GALNT17: variants seen among roughly 807,000 people sequenced by gnomAD.
GALNT17 encodes the protein polypeptide N-acetylgalactosaminyltransferase 17.
GALNT17 carries 29 observed loss-of-function variants against 63.7 expected under a neutral mutation model. The observed-to-expected ratio is 0.46, with a 90% CI of 0.34 to 0.62. GALNT17 has a LOEUF of 0.62. Ranked by LOEUF, GALNT17 falls within the 20% of genes least tolerant of loss-of-function variation. The pLI, the probability that GALNT17 is intolerant of heterozygous loss-of-function variation, is 0.01. For missense variants in GALNT17, 603 were observed against 799.6 expected, an observed-to-expected ratio of 0.75 and a Z score of 2.97; for synonymous variants, 305 against 318.3, an observed-to-expected ratio of 0.96 and a Z score of 0.45.
At chr7:71,423,348 T>G (rs2116461336) in intron 5 of GALNT17, among the ~76,000 whole-genome samples, 1 of 152,276 alleles carries the variant, frequency 6.6e-6, no homozygotes, top group African/African-American at 2.4e-5. Flanking sequence ...GGTACCTTAT[T>G]TGGGGAAAAG....
At chr7:71,419,739 AAGGGCATCCCC>A (rs1483566889) in intron 4 of GALNT17, among the ~76,000 whole-genome samples, 1 of 152,168 alleles carries the variant, frequency 6.6e-6, no homozygotes, top group Non-Finnish European at 1.5e-5. Flanking sequence ...GCCAGTAGCA[AAGGGCATCCCC>A]AGGGGAGAAT....
chr7:71,512,936 A>G (rs1482726480), intron 5 of GALNT17, among the ~76,000 whole-genome samples: 2 of 152,222 alleles, frequency 1.3e-5, no homozygotes, highest in Non-Finnish European at 2.9e-5. Context: ...TTTTTTGAGC[A>G]CTGAAATTTC....
intron 1 of GALNT17, chr7:71,300,871 C>G (rs911583724): frequency 3.9e-5 from 6 of 153,864 alleles, no homozygotes; most frequent in African/African-American, 1.4e-4. Flanking sequence ...GGGGAAATGT[C>G]AGCTATTCTG....
At chr7:71,515,432 AC>A (rs1788429466) in intron 5 of GALNT17, among the ~76,000 whole-genome samples, 1 of 152,126 alleles carries the variant, frequency 6.6e-6, no homozygotes, top group African/African-American at 2.4e-5. Flanking sequence ...AAGCTACATC[AC>A]CTAAGTTTCT....
intron 2 of GALNT17, among the ~76,000 whole-genome samples, chr7:71,371,571 A>G (rs1466340822): frequency 6.6e-6 from 1 of 152,006 alleles, no homozygotes; most frequent in Non-Finnish European, 1.5e-5. Context: ...ACTTTTTTGC[A>G]ATTTGCCGTT....
intron 1 of GALNT17, among the ~76,000 whole-genome samples, chr7:71,198,802 C>T (rs114888783): frequency 2.0e-5 from 3 of 152,314 alleles, no homozygotes; most frequent in East Asian, 1.9e-4. Context: ...TTTTGCTCCT[C>T]TCTCTCCCCA....
At chr7:71,333,360 T>C (rs1159219866) in intron 1 of GALNT17, among the ~76,000 whole-genome samples, 2 of 152,186 alleles carry the variant, frequency 1.3e-5, no homozygotes, top group African/African-American at 2.4e-5. Context: ...CAATATTCCA[T>C]TGGTCTGGAG....
chr7:71,376,269 T>C (rs1792722056), intron 2 of GALNT17, among the ~76,000 whole-genome samples: 1 of 151,904 alleles, frequency 6.6e-6, no homozygotes, highest in South Asian at 2.1e-4. Context: ...GATTGAATAC[T>C]ATGTAAGAAT....
chr7:71,436,225 C>T (rs1001528284), intron 5 of GALNT17, among the ~76,000 whole-genome samples: 2 of 152,020 alleles, frequency 1.3e-5, no homozygotes, highest in Non-Finnish European at 2.9e-5. Flanking sequence ...GCTGTAGTCT[C>T]GGACACTCAG....
intron 1 of GALNT17, among the ~76,000 whole-genome samples, chr7:71,267,680 A>G (rs1790515446): frequency 6.6e-6 from 1 of 150,906 alleles, no homozygotes; most frequent in Non-Finnish European, 1.5e-5. Flanking sequence ...GCCATGGAGA[A>G]CAGCAGGTTT....
At chr7:71,293,509 A>C (rs1409150061) in intron 1 of GALNT17, among the ~76,000 whole-genome samples, 1 of 152,186 alleles carries the variant, frequency 6.6e-6, no homozygotes, top group Non-Finnish European at 1.5e-5. Flanking sequence ...CTTTTGAAAA[A>C]TGTCAATTCA....
chr7:71,313,997 AC>A (rs1791457096), intron 1 of GALNT17, among the ~76,000 whole-genome samples: 5 of 152,188 alleles, frequency 3.3e-5, no homozygotes, highest in Admixed American at 3.3e-4. Flanking sequence ...TTGGAAAAAA[AC>A]GAACTTCTTC....
At chr7:71,632,920 A>G (rs1362052386) in intron 6 of GALNT17, among the ~76,000 whole-genome samples, 1 of 151,988 alleles carries the variant, frequency 6.6e-6, no homozygotes, top group Non-Finnish European at 1.5e-5. Context: ...CATGGCCAAC[A>G]TAGCAAAACC....
intron 1 of GALNT17, among the ~76,000 whole-genome samples, chr7:71,228,098 A>G (rs778894999): frequency 3.9e-5 from 6 of 151,974 alleles, no homozygotes; most frequent in Non-Finnish European, 8.8e-5. Context: ...ATGAGGAGGG[A>G]CTTGCTTGGT....
intron 5 of GALNT17, among the ~76,000 whole-genome samples, chr7:71,568,686 C>T (rs562137383): frequency 6.6e-6 from 1 of 152,154 alleles, no homozygotes; most frequent in African/African-American, 2.4e-5. Flanking sequence ...TTGGTAGATG[C>T]TGAGCAAATA....
intron 1 of GALNT17, among the ~76,000 whole-genome samples, chr7:71,318,529 C>T (rs1260704434): frequency 6.6e-6 from 1 of 151,648 alleles, no homozygotes; most frequent in Non-Finnish European, 1.5e-5. Context: ...AAGCGACTCT[C>T]CTGCCTCAGC....
Position 71,677,326 on chromosome 7 carries a change from C to G in GALNT17, c.1500+20C>G, listed in dbSNP as rs749082296. The G allele has an allele frequency of 2.5e-5, 40 of 1,609,526 alleles. No individual in the cohort carries two copies. Among genetic ancestry groups the G allele is most frequent in the Non-Finnish European group, 3.4e-5 (40 of 1,177,348 alleles). ...CCACAGGTAGGAGCTCGTCTCTGAC[C>G]AGGAAGGAAGTAATATCACCATCTC... On this transcript the variant is annotated intron_variant, in intron 9 of 10. Transcript: ENST00000333538.
chr7:71,312,045 C>T (rs1339981959), intron 1 of GALNT17, among the ~76,000 whole-genome samples: 1 of 152,178 alleles, frequency 6.6e-6, no homozygotes, highest in African/African-American at 2.4e-5. Flanking sequence ...GCAGTTACTG[C>T]CCCTGGCTGT....
intron 5 of GALNT17, among the ~76,000 whole-genome samples, chr7:71,561,799 A>G (rs926967558): frequency 6.6e-6 from 1 of 152,068 alleles, no homozygotes; most frequent in African/African-American, 2.4e-5. Context: ...AGCGAGCCAC[A>G]TGGTGACAAG....
Sources: gnomAD v4.1 joint callset for allele counts (sites outside exome capture counted in the v4.1 genomes callset) on GRCh38, gnomAD v4.1.1 for gene constraint, MANE v1.5 for transcripts, NCBI Gene and HGNC (gene_info 2026-07-23, HGNC 2026-07-21) for gene names.